The following HSD17B12 variants were observed in gnomAD, a reference collection of about 807,000 sequenced individuals.
The protein encoded by HSD17B12 is very-long-chain 3-oxoacyl-CoA reductase.
Under a neutral mutation model 39.3 loss-of-function variants are expected in HSD17B12, and 32 were observed. That is an observed-to-expected ratio of 0.81 (90% CI 0.61 to 1.09). The LOEUF is 1.09. Among genes scored for constraint, HSD17B12 ranks in the 50% least tolerant of loss-of-function variants. HSD17B12 has a pLI of 0.00. For missense variants in HSD17B12, 342 were observed against 382.9 expected (o/e 0.89, Z 0.89); for synonymous variants, 150 against 146.7 (o/e 1.02, Z -0.16).
chr11:43,774,768 A>C (rs1950683007), intron 3 of HSD17B12, among the ~76,000 whole-genome samples: 1 of 152,184 alleles, frequency 6.6e-6, no homozygotes, highest in South Asian at 2.1e-4. Context: ...AAGAATTCCA[A>C]GGTAGGTGGA....
chr11:43,819,804 A>G (rs73540466), intron 6 of HSD17B12, among the ~76,000 whole-genome samples: 187 of 152,296 alleles, frequency 1.2e-3, no homozygotes, highest in African/African-American at 4.4e-3. Context: ...TGCAAACCTA[A>G]TCCCATTTAA....
rs185693426 is a variant in HSD17B12, at chr11:43,722,797, C to T, written c.161-28114C>T. ...CCGGGAGGCAGAGGTTGCAGTGAGC[C>T]GAGACCACACCATTGCACTCCAGCC... On this transcript the variant is annotated intron_variant, in intron 1 of 10. Coordinates refer to ENST00000278353, the MANE Select transcript of HSD17B12 (RefSeq NM_016142.3). Among the ~76,000 whole-genome samples the T allele has an allele frequency of 4.8e-3, 723 of 151,026 alleles. 7 individuals carry two copies. Among genetic ancestry groups the T allele is most frequent in the African/African-American group, 0.017 (699 of 41,078 alleles).
chr11:43,693,625 A>G (rs1279186511), intron 1 of HSD17B12, among the ~76,000 whole-genome samples: 2 of 152,212 alleles, frequency 1.3e-5, no homozygotes, highest in Non-Finnish European at 2.9e-5. Context: ...TTAATTCCCA[A>G]GGAAATACTG....
At chr11:43,618,740 G>A in the HSD17B12 span, among the ~76,000 whole-genome samples, 2 of 152,138 alleles carry the variant, frequency 1.3e-5, no homozygotes, top group African/African-American at 4.8e-5. Context: ...AAGATGCTGA[G>A]CTTGAAATTA....
intron 6 of HSD17B12, among the ~76,000 whole-genome samples, chr11:43,817,022 CTATATCTATATCTA>C (rs1565099963): frequency 9.1e-4 from 19 of 20,806 alleles, no homozygotes; most frequent in Non-Finnish European, 2.2e-3. Context: ...ATATCTATAT[CTATATCTATATCTA>C]TATCTATATA....
chr11:43,687,514 C>T (rs1025778268), intron 1 of HSD17B12, among the ~76,000 whole-genome samples: 5 of 152,070 alleles, frequency 3.3e-5, no homozygotes, highest in African/African-American at 7.2e-5. Flanking sequence ...TGAGATCTGG[C>T]GGTTGAGTGT....
chr11:43,607,894 G>C, the HSD17B12 span, among the ~76,000 whole-genome samples: 6 of 152,248 alleles, frequency 3.9e-5, no homozygotes, highest in East Asian at 1.2e-3. Context: ...ATGCAGTTGT[G>C]AGAACTCAGA....
chr11:43,680,734 T>C, upstream of HSD17B12: 2 of 1,116,832 alleles, frequency 1.8e-6, no homozygotes, highest in Non-Finnish European at 2.7e-6. Context: ...CAGCGCCTAT[T>C]AGTGTCATCC....
chr11:43,680,834 A>G lies in HSD17B12; in HGVS notation c.7A>G (p.Ser3Gly). Residue 3 changes from serine (S) to glycine (G), a missense_variant, in exon 1 of 11, where the codon AGC (serine) becomes GGC (glycine). By Grantham distance (56) the Ser-to-Gly change is moderately conservative. Transcript: ENST00000278353. Reference protein sequence around the residue: MESALPAAGFLYW... With the variant: MEGALPAAGFLYW... ...TGAGGCCTAGTGGAAAGCCATGGAG[A>G]GCGCTCTCCCCGCCGCCGGCTTCCT... 6.2e-7 allele frequency: 1 copy of G among 1,613,920 alleles called. No individual in the cohort carries two copies. The highest frequency in any genetic ancestry group is 8.5e-7 in the Non-Finnish European group (1 of 1,179,916).
intron 1 of HSD17B12, chr11:43,719,154 C>T: frequency 1.3e-6 from 1 of 755,470 alleles, no homozygotes; most frequent in Admixed American, 1.7e-5. Context: ...TAAACTTAGT[C>T]CAGATGGCTA....
intron 9 of HSD17B12, chr11:43,852,677 A>C (rs147204326): frequency 3.9e-5 from 6 of 152,252 alleles, no homozygotes; most frequent in Admixed American, 3.9e-4. Flanking sequence ...TCTGAGTCGG[A>C]GATCTCACCC....
chr11:43,717,804 C>CTTTTTT (rs34501307), intron 1 of HSD17B12, among the ~76,000 whole-genome samples: 10 of 130,200 alleles, frequency 7.7e-5, no homozygotes, highest in African/African-American at 2.0e-4. Flanking sequence ...TCTTCTTCTT[C>CTTTTTT]TTTTTTTTTT....
At chr11:43,781,254 C>T (rs553412085) in intron 3 of HSD17B12, among the ~76,000 whole-genome samples, 1 of 152,100 alleles carries the variant, frequency 6.6e-6, no homozygotes, top group African/African-American at 2.4e-5. Context: ...GTTTTTGATG[C>T]CTGATTAAAG....
chr11:43,802,540 C>A (rs920689481), intron 4 of HSD17B12, among the ~76,000 whole-genome samples: 12 of 152,100 alleles, frequency 7.9e-5, no homozygotes, highest in Non-Finnish European at 8.8e-5. Flanking sequence ...TTCACCTTGG[C>A]CATCTCTCAA....
the HSD17B12 span, among the ~76,000 whole-genome samples, chr11:43,624,777 G>A: frequency 6.6e-6 from 1 of 151,760 alleles, no homozygotes; most frequent in East Asian, 1.9e-4. Flanking sequence ...AAATTTCAAG[G>A]TAAAAATCAA....
At chr11:43,801,158 C>G (rs999374946) in intron 4 of HSD17B12, among the ~76,000 whole-genome samples, 23 of 151,702 alleles carry the variant, frequency 1.5e-4, no homozygotes, top group African/African-American at 5.1e-4. Context: ...AAAAAAAGAG[C>G]TATACTGCAT....
At chr11:43,571,298 T>C in the HSD17B12 span, among the ~76,000 whole-genome samples, 44 of 152,228 alleles carry the variant, frequency 2.9e-4, no homozygotes, top group Non-Finnish European at 6.0e-4. Flanking sequence ...CTTTTCTCTC[T>C]GTGGCCATGC....
chr11:43,619,230 T>TATATATATAAAATATATATATATG, the HSD17B12 span, among the ~76,000 whole-genome samples: 2 of 18,922 alleles, frequency 1.1e-4, no homozygotes, highest in East Asian at 8.8e-4. Context: ...ATATATATGA[T>TATATATATAAAATATATATATATG]ATATATATAT....
At chr11:43,568,349 C>T in the HSD17B12 span, among the ~76,000 whole-genome samples, 2 of 152,148 alleles carry the variant, frequency 1.3e-5, no homozygotes, top group Admixed American at 6.5e-5. Flanking sequence ...GTGATCCACC[C>T]GCCTCAGCCT....
Sources: gnomAD v4.1 joint callset for allele counts (sites outside exome capture counted in the v4.1 genomes callset) on GRCh38, gnomAD v4.1.1 for gene constraint, MANE v1.5 for transcripts, NCBI Gene and HGNC (gene_info 2026-07-23, HGNC 2026-07-21) for gene names.